PI4KA: variants seen among roughly 807,000 people sequenced by gnomAD.
PI4KA encodes the protein PI4-kinase alpha.
In PI4KA, 122 loss-of-function variants were observed where a neutral mutation model predicts 271.4. That is an observed-to-expected ratio of 0.45 (90% CI 0.39 to 0.52). The LOEUF (loss-of-function observed/expected upper bound fraction) is 0.52, where lower values mean the gene tolerates loss of function less well. PI4KA is among the 20% of genes least tolerant of loss of function. PI4KA has a pLI of 0.00. For missense variants in PI4KA, 1,969 were observed against 2,769.1 expected (o/e 0.71, Z 6.48); for synonymous variants, 1,041 against 1,078.8 (o/e 0.96, Z 0.69).
chr22:20,740,463 AAAAAAAG>A (rs1929298286), intron 32 of PI4KA, among the ~76,000 whole-genome samples: 2 of 151,924 alleles, frequency 1.3e-5, no homozygotes, highest in South Asian at 2.1e-4. Flanking sequence ...GAAGTAAAAA[AAAAAAAG>A]AAAAAGAAAT....
chr22:20,715,913 T>C (rs368422624), intron 45 of PI4KA, among the ~76,000 whole-genome samples: 62 of 151,730 alleles, frequency 4.1e-4, no homozygotes, highest in Non-Finnish European at 5.9e-4. Flanking sequence ...TTTTTTGAGA[T>C]AGAGTCTCAC....
At chr22:20,811,971 C>T (rs976180890) in intron 8 of PI4KA, among the ~76,000 whole-genome samples, 1 of 147,060 alleles carries the variant, frequency 6.8e-6, no homozygotes, top group Non-Finnish European at 1.5e-5. Context: ...CGAGATCGTG[C>T]CACTGCACTC....
intron 7 of PI4KA, among the ~76,000 whole-genome samples, chr22:20,816,425 G>GTATC (rs1921816766): frequency 6.6e-6 from 1 of 152,060 alleles, no homozygotes; most frequent in Non-Finnish European, 1.5e-5. Context: ...CACATCTCCT[G>GTATC]GCCTAAAAAC....
At chr22:20,767,314 G>GT (rs1306102436) in intron 19 of PI4KA, among the ~76,000 whole-genome samples, 2 of 151,996 alleles carry the variant, frequency 1.3e-5, no homozygotes, top group Non-Finnish European at 2.9e-5. Flanking sequence ...CGTGGTGGCA[G>GT]GCGCCTATAG....
chr22:20,814,134 G>A (rs189815131), intron 7 of PI4KA, among the ~76,000 whole-genome samples: 4 of 151,774 alleles, frequency 2.6e-5, no homozygotes, highest in South Asian at 2.1e-4. Flanking sequence ...AGATATGAAA[G>A]CTTGGGGTCC....
intron 40 of PI4KA, 96 bp from the exon 41 acceptor site, chr22:20,727,493 G>T: frequency 8.3e-7 from 1 of 1,198,418 alleles, no homozygotes; most frequent in Non-Finnish European, 1.2e-6. Context: ...CATGAGAAGT[G>T]ATGTTTCTAA....
At chr22:20,781,982 G>A (rs1379403790) in intron 19 of PI4KA, among the ~76,000 whole-genome samples, 2 of 152,148 alleles carry the variant, frequency 1.3e-5, no homozygotes, top group Non-Finnish European at 2.9e-5. Flanking sequence ...CGAATTTGAG[G>A]GAATGAAACT....
At chr22:20,724,656 A>G (rs935763836) in intron 42 of PI4KA, among the ~76,000 whole-genome samples, 5 of 152,174 alleles carry the variant, frequency 3.3e-5, no homozygotes, top group African/African-American at 1.2e-4. Context: ...GAAAGCAAGA[A>G]AGAAACCAGT....
chr22:20,834,632 G>A lies in PI4KA; in HGVS notation c.297C>T (p.Tyr99=), dbSNP rs780067129. Residue 99 remains tyrosine, a synonymous_variant, in exon 3 of 55, where the codon TAC becomes TAT. Transcript: ENST00000255882. ...GAAGACCTTTGAGAAGTCGAAGAAG[G>A]TAAGGAACCACACAATCTTTGTGCT... ...DLQHKDCVVP[Y]LLRLLKGLPK... 11 of 1,606,206 alleles carry A rather than the reference G, an allele frequency of 6.8e-6. No individual in the cohort carries two copies. Among genetic ancestry groups the A allele is most frequent in the Admixed American group, 3.3e-5 (2 of 59,968 alleles).
intron 12 of PI4KA, 124 bp from the exon 13 acceptor site, chr22:20,803,444 C>T: frequency 9.4e-7 from 1 of 1,060,922 alleles, no homozygotes. Flanking sequence ...GGTCAAAGCT[C>T]CCACAGGCCA....
At chr22:20,715,760 C>A (rs1045799466) in intron 45 of PI4KA, among the ~76,000 whole-genome samples, 12 of 152,238 alleles carry the variant, frequency 7.9e-5, no homozygotes, top group Admixed American at 3.9e-4. Flanking sequence ...AGGCATGAGC[C>A]ACCGCGCCCG....
Position 20,799,751 on chromosome 22 carries a change from T to A in PI4KA, c.1740A>T (p.Gly580=). The part of the protein sequence containing the change: ...IDNICRCLKA[G]LTVDPVIVEA... ...CCACAATCACTGGGTCCACCGTCAA[T>A]CCAGCCTTCAGGCACCTGAGGAGCA... The change falls in exon 15 of 55, where the codon GGA becomes GGT. Residue 580 remains glycine, a synonymous_variant. Coordinates refer to ENST00000255882, the MANE Select transcript of PI4KA (RefSeq NM_058004.4). 2 of 1,552,110 alleles carry A rather than the reference T, an allele frequency of 1.3e-6. No individual in the cohort carries two copies. Among genetic ancestry groups the A allele is most frequent in the South Asian group, 2.4e-5 (2 of 84,030 alleles).
intron 12 of PI4KA, 36 bp downstream of exon 12, chr22:20,804,264 T>G: frequency 7.2e-7 from 1 of 1,385,278 alleles, no homozygotes; most frequent in Non-Finnish European, 1.0e-6. Flanking sequence ...GCCCTACAGG[T>G]GGGATCTGAG....
At chr22:20,858,430 T>C (rs1927920333) in intron 1 of PI4KA, 140 bp downstream of exon 1, 1 of 521,998 alleles carries the variant, frequency 1.9e-6, no homozygotes, top group Admixed American at 4.6e-5. Flanking sequence ...CCCCGCTAGA[T>C]CCCTCCGCTC....
intron 42 of PI4KA, among the ~76,000 whole-genome samples, chr22:20,724,331 C>T (rs866310125): frequency 2.7e-5 from 4 of 147,790 alleles, no homozygotes; most frequent in Middle Eastern, 4.0e-3. Context: ...TCTGGCTGAG[C>T]GCAGTGGCTC....
intron 19 of PI4KA, among the ~76,000 whole-genome samples, chr22:20,782,425 C>A (rs996277581): frequency 1.3e-5 from 2 of 152,210 alleles, no homozygotes; most frequent in Non-Finnish European, 2.9e-5. Context: ...CCCAATCATT[C>A]ATGGATGCTT....
chr22:20,733,869 A>G (rs1309337529), intron 34 of PI4KA, 26 bp from the exon 35 acceptor site: 4 of 1,612,060 alleles, frequency 2.5e-6, no homozygotes. Context: ...GGACCCAGTT[A>G]GAGCAGGAGC....
rs746189043 is a variant in PI4KA, at chr22:20,709,347, T to G, written c.6206A>C (p.Glu2069Ala). ...HRFSPNMTER[E>A]AANFIMKVIQ... ...GACCTTCATGATGAAATTTGCAGCC[T>G]CGCGCTCAGTCATGTTGGGGCTAAA... is the stretch of plus-strand genomic sequence containing the variant. Residue 2069 changes from glutamate to alanine, a missense_variant, in exon 54 of 55, where the codon GAG becomes GCG. Glu to Ala is a moderately radical substitution (Grantham distance 107). Coordinates refer to ENST00000255882, the MANE Select transcript of PI4KA (RefSeq NM_058004.4). 3.2e-5 allele frequency: 44 copies of G among 1,373,016 alleles called. 3 individuals are homozygous for G. The highest frequency in any genetic ancestry group is 4.3e-5 in the Non-Finnish European group (42 of 985,416). The allele number at this position is 1,373,016 out of a possible 1,614,324, so 85.1% of individuals were successfully genotyped here. A position where few individuals can be genotyped will look rare whatever the true frequency, so the allele number is the denominator to read the frequency against.
At position 20,770,073 on chromosome 22, in the gene PI4KA, G is replaced by T. The variant is rs117843451; in HGVS notation, c.2329-4380C>A. Among the ~76,000 whole-genome samples the T allele has an allele frequency of 2.3e-3, 354 of 152,078 alleles. 4 individuals are homozygous for T. The East Asian group carries it at 0.055, about 24-fold the overall frequency. On this transcript the variant is annotated intron_variant, in intron 19 of 54. Coordinates refer to ENST00000255882, the MANE Select transcript of PI4KA (RefSeq NM_058004.4). ...GTATACATATTTTTTTTAGAGACAG[G>T]GTCTCACTCTGTCGACCACACTGGA... is the stretch of plus-strand genomic sequence containing the variant.
Sources: gnomAD v4.1 joint callset for allele counts (sites outside exome capture counted in the v4.1 genomes callset) on GRCh38, gnomAD v4.1.1 for gene constraint, MANE v1.5 for transcripts, NCBI Gene and HGNC (gene_info 2026-07-23, HGNC 2026-07-21) for gene names.